KIAA1217: variants seen among roughly 807,000 people sequenced by gnomAD.
KIAA1217 encodes the protein KIAA1217.
A neutral mutation model predicts 163.9 loss-of-function variants in KIAA1217; 88 were observed. That is an observed-to-expected ratio of 0.54 (90% CI 0.45 to 0.64). The LOEUF is 0.64. Among genes scored for constraint, KIAA1217 ranks in the 30% least tolerant of loss-of-function variants. KIAA1217 has a pLI of 0.00. For synonymous variants in KIAA1217, 903 were observed against 923.1 expected, an observed-to-expected ratio of 0.98 and a Z score of 0.39; for missense variants, 2,372 against 2,475.0, an observed-to-expected ratio of 0.96 and a Z score of 0.88.
At chr10:24,192,713 G>A (rs1277773734) in intron 2 of KIAA1217, among the ~76,000 whole-genome samples, 2 of 152,212 alleles carry the variant, frequency 1.3e-5, no homozygotes, top group Admixed American at 6.5e-5. Flanking sequence ...GTGACCAGAG[G>A]TGACATTTAC....
At chr10:23,825,843 G>A (rs1352017299) in intron 1 of KIAA1217, among the ~76,000 whole-genome samples, 2 of 152,110 alleles carry the variant, frequency 1.3e-5, no homozygotes, top group South Asian at 2.1e-4. Flanking sequence ...GGAAGACCTC[G>A]CACAAGTCAC....
chr10:23,738,023 G>C (rs1020170834), intron 1 of KIAA1217, among the ~76,000 whole-genome samples: 1 of 151,168 alleles, frequency 6.6e-6, no homozygotes, highest in African/African-American at 2.5e-5. Flanking sequence ...TAAATAGCAC[G>C]TAGATATATA....
In KIAA1217 at chr10:24,119,875, A is replaced by G. The variant is rs141937485; in HGVS notation, c.-170-99751A>G. On this transcript the variant is annotated intron_variant, in intron 2 of 18. Transcript: ENST00000376462. ...CATTAAAATGATCTGTGCTTCCTAC[A>G]CATCCCAGGTCCCCTAAGTCACAAA... Among the ~76,000 whole-genome samples the G allele has an allele frequency of 1.3e-3, 194 of 152,296 alleles. 1 individual carries two copies. The highest frequency in any genetic ancestry group is 4.6e-3 in the African/African-American group (191 of 41,562).
chr10:24,275,876 C>T (rs901295057), intron 2 of KIAA1217: 1 of 438,994 alleles, frequency 2.3e-6, no homozygotes, highest in Non-Finnish European at 4.6e-6. Context: ...AGCAAGGGCC[C>T]TGGCCATCAG....
At chr10:23,857,755 C>T (rs566441166) in intron 1 of KIAA1217, among the ~76,000 whole-genome samples, 1 of 152,012 alleles carries the variant, frequency 6.6e-6, no homozygotes, top group East Asian at 1.9e-4. Context: ...TTCTTGAGAA[C>T]TTTACAAAGA....
At chr10:24,169,196 A>G (rs539609133) in intron 2 of KIAA1217, among the ~76,000 whole-genome samples, 4 of 152,266 alleles carry the variant, frequency 2.6e-5, no homozygotes. Flanking sequence ...TGCCTGGAGC[A>G]TTAAAGCTCA....
chr10:24,211,669 G>A (rs541409603), intron 1 of KIAA1217, among the ~76,000 whole-genome samples: 5 of 151,716 alleles, frequency 3.3e-5, no homozygotes, highest in African/African-American at 1.2e-4. Flanking sequence ...TTTAAATGGG[G>A]TAATACTGGG....
intron 1 of KIAA1217, among the ~76,000 whole-genome samples, chr10:23,722,108 A>G (rs1217822184): frequency 6.6e-6 from 1 of 152,216 alleles, no homozygotes; most frequent in East Asian, 1.9e-4. Flanking sequence ...CAAATACTGT[A>G]TGAATCCAAT....
chr10:23,718,109 C>G (rs1186483512), intron 1 of KIAA1217, among the ~76,000 whole-genome samples: 1 of 152,152 alleles, frequency 6.6e-6, no homozygotes, highest in Admixed American at 6.6e-5. Flanking sequence ...TAAGTTGGTG[C>G]AAAAGTTATT....
chr10:23,910,751 G>A (rs1039226880), intron 1 of KIAA1217, among the ~76,000 whole-genome samples: 1 of 152,160 alleles, frequency 6.6e-6, no homozygotes, highest in Non-Finnish European at 1.5e-5. Flanking sequence ...AGACCTGAGG[G>A]CTGATTTCTG....
In KIAA1217 at chr10:23,695,245, CAGA is replaced by C. The variant is rs1169065939; in HGVS notation, c.-321+14_-321+16del. ...CAGCCTCGGCCCGAAGTAAGTGCAG[CAGA>C]AGTTTGCGTCGGTTGCCCCGCCGCT... On this transcript the variant is annotated intron_variant, in intron 1 of 18. Transcript: ENST00000376462. This position sits in a 1 kb window ranked among gnomAD's most constrained non-coding sequence, Gnocchi z 4.9. The C allele has an allele frequency of 6.6e-6, 1 of 152,462 alleles. No homozygotes were observed. The highest frequency in any genetic ancestry group is 1.5e-5 in the Non-Finnish European group (1 of 68,270). The allele number at this position is 152,462 out of a possible 1,614,324, so 9.4% of individuals were successfully genotyped here. A position where few individuals can be genotyped will look rare whatever the true frequency, so the allele number is the denominator to read the frequency against.
At chr10:24,237,929 T>G (rs1386359671) in intron 2 of KIAA1217, among the ~76,000 whole-genome samples, 6 of 152,208 alleles carry the variant, frequency 3.9e-5, no homozygotes, top group Non-Finnish European at 8.8e-5. Context: ...GCTTACAGAA[T>G]CATTGGAGGA....
At chr10:23,843,927 G>A (rs1838903994) in intron 1 of KIAA1217, among the ~76,000 whole-genome samples, 1 of 152,098 alleles carries the variant, frequency 6.6e-6, no homozygotes, top group Non-Finnish European at 1.5e-5. Context: ...CCATTATTCA[G>A]CATGGTACCT....
At chr10:24,054,989 G>T (rs976851142) in intron 2 of KIAA1217, among the ~76,000 whole-genome samples, 5 of 152,122 alleles carry the variant, frequency 3.3e-5, no homozygotes, top group Non-Finnish European at 7.4e-5. Flanking sequence ...CTTAGACGCT[G>T]GGCATGGTGG....
At chr10:24,210,436 A>G (rs936588118) in intron 1 of KIAA1217, among the ~76,000 whole-genome samples, 2 of 152,010 alleles carry the variant, frequency 1.3e-5, no homozygotes, top group Non-Finnish European at 2.9e-5. Context: ...CATCCAGTGG[A>G]AGATAAGGCT....
intron 2 of KIAA1217, among the ~76,000 whole-genome samples, chr10:24,323,120 A>G: frequency 2.2e-5 from 1 of 46,268 alleles, no homozygotes; most frequent in African/African-American, 4.5e-5. Flanking sequence ...CAGCTAATTA[A>G]AAAAAAAAAA....
At chr10:24,114,455 AC>A (rs905451642) in intron 2 of KIAA1217, among the ~76,000 whole-genome samples, 7 of 151,796 alleles carry the variant, frequency 4.6e-5, no homozygotes, top group Non-Finnish European at 7.4e-5. Flanking sequence ...TCACTTACAG[AC>A]CCCCCCTGTT....
chr10:23,985,592 G>A (rs1048497710), intron 1 of KIAA1217, among the ~76,000 whole-genome samples: 2 of 152,158 alleles, frequency 1.3e-5, no homozygotes, highest in African/African-American at 4.8e-5. Flanking sequence ...ACGCTGCATA[G>A]TAGAAGCACT....
intron 1 of KIAA1217, among the ~76,000 whole-genome samples, chr10:23,712,001 T>C (rs927030315): frequency 2.0e-5 from 3 of 152,156 alleles, no homozygotes; most frequent in African/African-American, 7.2e-5. Context: ...TTCTGTTGCC[T>C]GTCTGCAGAC....
Sources: allele counts gnomAD v4.1 joint callset (sites outside exome capture counted in the v4.1 genomes callset), GRCh38; gene constraint gnomAD v4.1.1; non-coding constraint Gnocchi (gnomAD v3.1); transcripts MANE v1.5; gene names NCBI Gene and HGNC (gene_info 2026-07-23, HGNC 2026-07-21).